The following RBPMS variants were observed in gnomAD, a reference collection of about 807,000 sequenced individuals.
The protein encoded by RBPMS is RNA binding protein, mRNA processing factor, also known as RNA-binding protein with multiple splicing.
RBPMS carries 7 observed loss-of-function variants against 26.8 expected under a neutral mutation model. That is an observed-to-expected ratio of 0.26 (90% CI 0.15 to 0.49). RBPMS has a LOEUF of 0.49. RBPMS is among the 20% of genes least tolerant of loss of function. RBPMS has a pLI of 0.98. For synonymous variants in RBPMS, 96 were observed against 93.3 expected, an observed-to-expected ratio of 1.03 and a Z score of -0.17; for missense variants, 186 against 250.0, an observed-to-expected ratio of 0.74 and a Z score of 1.73.
At chr8:30,446,319 T>G (rs1220889504) in intron 1 of RBPMS, among the ~76,000 whole-genome samples, 2 of 152,220 alleles carry the variant, frequency 1.3e-5, no homozygotes, top group Non-Finnish European at 2.9e-5. Context: ...TTGCCTTTAA[T>G]GTAAGAATGA....
chr8:30,438,066 C>G (rs1812669390), intron 1 of RBPMS, among the ~76,000 whole-genome samples: 1 of 152,188 alleles, frequency 6.6e-6, no homozygotes, highest in African/African-American at 2.4e-5. Flanking sequence ...ATTATTCATT[C>G]CTATCTTCCC....
chr8:30,442,417 C>T (rs1563321807), intron 1 of RBPMS, among the ~76,000 whole-genome samples: 1 of 152,174 alleles, frequency 6.6e-6, no homozygotes, highest in Admixed American at 6.5e-5. Flanking sequence ...TTTTTCTCAG[C>T]TCATTCCCAC....
chr8:30,568,899 G>A (rs1828074730), intron 8 of RBPMS, among the ~76,000 whole-genome samples: 1 of 151,930 alleles, frequency 6.6e-6, no homozygotes, highest in South Asian at 2.1e-4. Context: ...CCCATGCAAG[G>A]ATCCCATTTA....
chr8:30,512,565 T>G (rs1483775515), intron 5 of RBPMS, among the ~76,000 whole-genome samples: 2 of 151,992 alleles, frequency 1.3e-5, no homozygotes, highest in African/African-American at 4.8e-5. Flanking sequence ...ATCTCATCAC[T>G]TCAGTCTCCA....
chr8:30,523,292 G>A (rs907247022), intron 5 of RBPMS, among the ~76,000 whole-genome samples: 3 of 151,588 alleles, frequency 2.0e-5, no homozygotes, highest in African/African-American at 7.3e-5. Context: ...CACGAGAATT[G>A]CTTGAACCCG....
chr8:30,407,943 AGGCCCATATC>A (rs1161920830), intron 1 of RBPMS, among the ~76,000 whole-genome samples: 1 of 150,440 alleles, frequency 6.6e-6, no homozygotes, highest in East Asian at 2.0e-4. Flanking sequence ...TCTCTTCCTT[AGGCCCATATC>A]TCTCAGGATC....
intron 4 of RBPMS, among the ~76,000 whole-genome samples, chr8:30,501,262 C>T (rs1375835446): frequency 7.3e-6 from 1 of 137,562 alleles, no homozygotes; most frequent in Non-Finnish European, 1.6e-5. Context: ...GCCACCCCAC[C>T]CCTGACCCCT....
intron 1 of RBPMS, among the ~76,000 whole-genome samples, chr8:30,433,639 C>T (rs1463491228): frequency 6.6e-6 from 1 of 152,136 alleles, no homozygotes; most frequent in Non-Finnish European, 1.5e-5. Flanking sequence ...GGCCATAGCA[C>T]TTCAGCCTGG....
chr8:30,514,679 G>GCTTT (rs1822102609), intron 5 of RBPMS, among the ~76,000 whole-genome samples: 1 of 13,558 alleles, frequency 7.4e-5, no homozygotes, highest in Admixed American at 9.4e-4. Flanking sequence ...ACCATGCCGG[G>GCTTT]CTTTTTTTTT....
At chr8:30,556,507 T>TC in intron 6 of RBPMS, 1 of 985,866 alleles carries the variant, frequency 1.0e-6, no homozygotes, top group African/African-American at 1.7e-5. Flanking sequence ...CGGGCAGCCC[T>TC]CCCCCTCCTG....
chr8:30,549,654 A>C (rs976106545), intron 6 of RBPMS: 1 of 1,195,044 alleles, frequency 8.4e-7, no homozygotes, highest in African/African-American at 1.5e-5. Flanking sequence ...GCCAGGCCTC[A>C]TGCTCACAGC....
At chr8:30,537,336 G>A (rs934335310) in intron 5 of RBPMS, among the ~76,000 whole-genome samples, 1 of 152,222 alleles carries the variant, frequency 6.6e-6, no homozygotes, top group East Asian at 1.9e-4. Context: ...CTCTGGGCCA[G>A]TTGAATCATG....
At chr8:30,528,824 T>A (rs75800251) in intron 5 of RBPMS, among the ~76,000 whole-genome samples, 20 of 152,240 alleles carry the variant, frequency 1.3e-4, no homozygotes, top group African/African-American at 4.1e-4. Context: ...GGTTTGTTTT[T>A]TGGTTTGTTT....
At chr8:30,484,935 C>A (rs1315049043) in intron 4 of RBPMS, among the ~76,000 whole-genome samples, 1 of 152,138 alleles carries the variant, frequency 6.6e-6, no homozygotes, top group Non-Finnish European at 1.5e-5. Context: ...ATAATTAATT[C>A]ATTAGTTCTA....
At chr8:30,537,699 C>G (rs759275613) in intron 5 of RBPMS, 6 of 454,286 alleles carry the variant, frequency 1.3e-5, no homozygotes, top group Non-Finnish European at 2.7e-5. Flanking sequence ...TATTTAACCT[C>G]GCTGTGTCTC....
intron 1 of RBPMS, among the ~76,000 whole-genome samples, chr8:30,420,496 G>T (rs1810641324): frequency 6.6e-6 from 1 of 152,146 alleles, no homozygotes; most frequent in South Asian, 2.1e-4. Context: ...GTAGTTAAAA[G>T]AGACAAATCA....
intron 2 of RBPMS, among the ~76,000 whole-genome samples, chr8:30,475,128 G>A (rs1320620846): frequency 1.3e-5 from 2 of 152,030 alleles, no homozygotes; most frequent in South Asian, 4.1e-4. Context: ...CTGTTCTTTG[G>A]AAATGTAAAT....
At chr8:30,478,532 A>T (rs1817936276) in intron 3 of RBPMS, among the ~76,000 whole-genome samples, 1 of 145,144 alleles carries the variant, frequency 6.9e-6, no homozygotes, top group East Asian at 2.0e-4. Context: ...ACGGAGTCTC[A>T]CTATGTTGCC....
At chr8:30,441,513 CA>C (rs1439650191) in intron 1 of RBPMS, among the ~76,000 whole-genome samples, 1 of 152,176 alleles carries the variant, frequency 6.6e-6, no homozygotes, top group Non-Finnish European at 1.5e-5. Flanking sequence ...GTGTACAATG[CA>C]CTGGGATGTT....
Sources: gnomAD v4.1 joint callset for allele counts (sites outside exome capture counted in the v4.1 genomes callset) on GRCh38, gnomAD v4.1.1 for gene constraint, MANE v1.5 for transcripts, NCBI Gene and HGNC (gene_info 2026-07-23, HGNC 2026-07-21) for gene names.